The following EXOC2 variants were observed in gnomAD, a reference collection of about 807,000 sequenced individuals.
EXOC2 encodes SEC5-like 1.
A neutral mutation model predicts 131.8 loss-of-function variants in EXOC2; 70 were observed. The observed-to-expected ratio is 0.53, with a 90% CI of 0.44 to 0.65. The LOEUF is 0.65. Among genes scored for constraint, EXOC2 ranks in the 30% least tolerant of loss-of-function variants. The pLI, the probability that EXOC2 is intolerant of heterozygous loss-of-function variation, is 0.00. For missense variants in EXOC2, 923 were observed against 1,108.6 expected (o/e 0.83, Z 2.38); for synonymous variants, 411 against 398.4 (o/e 1.03, Z -0.38).
chr6:687,836 A>G (rs1181279459), intron 1 of EXOC2, among the ~76,000 whole-genome samples: 1 of 152,242 alleles, frequency 6.6e-6, no homozygotes, highest in Non-Finnish European at 1.5e-5. Context: ...ATGTGGCAGG[A>G]AAGTGAAAAA....
intron 7 of EXOC2, among the ~76,000 whole-genome samples, chr6:600,560 G>C (rs1444114844): frequency 1.3e-5 from 2 of 152,140 alleles, no homozygotes; most frequent in African/African-American, 4.8e-5. Context: ...AAATCACCAA[G>C]CACTGTTGTT....
intron 1 of EXOC2, chr6:656,440 C>T: frequency 6.2e-7 from 1 of 1,613,732 alleles, no homozygotes; most frequent in African/African-American, 1.3e-5. Flanking sequence ...ATCCTCTCCA[C>T]GATGCTCCTC....
chr6:487,955 G>A (rs1301012300), intron 27 of EXOC2, among the ~76,000 whole-genome samples: 2 of 152,164 alleles, frequency 1.3e-5, no homozygotes, highest in African/African-American at 4.8e-5. Flanking sequence ...AGCAGTGACT[G>A]TTTCAATCTT....
intron 22 of EXOC2, among the ~76,000 whole-genome samples, chr6:542,763 A>T (rs1271341361): frequency 6.6e-6 from 1 of 152,220 alleles, no homozygotes; most frequent in African/African-American, 2.4e-5. Flanking sequence ...TGAGTGAATG[A>T]ACAGAGAAAG....
At chr6:643,570 A>G (rs1327492190) in intron 1 of EXOC2, among the ~76,000 whole-genome samples, 1 of 151,416 alleles carries the variant, frequency 6.6e-6, no homozygotes, top group Non-Finnish European at 1.5e-5. Flanking sequence ...AATCTTAGAG[A>G]AAAAATATTT....
chr6:518,955 G>A (rs1237613692), intron 23 of EXOC2, among the ~76,000 whole-genome samples: 1 of 152,198 alleles, frequency 6.6e-6, no homozygotes, highest in African/African-American at 2.4e-5. Context: ...CCTCTTCAGA[G>A]ATGAAGTCCA....
intron 11 of EXOC2, among the ~76,000 whole-genome samples, chr6:582,985 T>A (rs1001324017): frequency 2.0e-5 from 3 of 152,158 alleles, no homozygotes; most frequent in Non-Finnish European, 4.4e-5. Flanking sequence ...ACTACAGGTA[T>A]AAACTTTGAA....
At chr6:615,676 C>T (rs1402139560) in intron 6 of EXOC2, among the ~76,000 whole-genome samples, 1 of 148,344 alleles carries the variant, frequency 6.7e-6, no homozygotes, top group Non-Finnish European at 1.5e-5. Context: ...GCTGAAATCG[C>T]ACCACCGCAC....
chr6:552,761 T>C (rs1408645430), intron 21 of EXOC2, among the ~76,000 whole-genome samples: 1 of 152,168 alleles, frequency 6.6e-6, no homozygotes, highest in Non-Finnish European at 1.5e-5. Context: ...GACCAAACTA[T>C]ATTTTTTCTA....
At chr6:650,121 A>G (rs1283319402) in intron 1 of EXOC2, among the ~76,000 whole-genome samples, 1 of 152,236 alleles carries the variant, frequency 6.6e-6, no homozygotes, top group Non-Finnish European at 1.5e-5. Context: ...TTTTATCTTT[A>G]TAGATTAAGT....
chr6:661,120 T>C (rs868742579), intron 1 of EXOC2, among the ~76,000 whole-genome samples: 1 of 152,114 alleles, frequency 6.6e-6, no homozygotes, highest in Non-Finnish European at 1.5e-5. Context: ...TAAGAAAATA[T>C]GAACAAAGCC....
At chr6:598,708 T>C (rs1486758347) in intron 9 of EXOC2, 152 bp downstream of exon 9, 1 of 556,260 alleles carries the variant, frequency 1.8e-6, no homozygotes, top group African/African-American at 2.0e-5. Context: ...AGAAAAGTCA[T>C]ACTGTTATTT....
rs201927192 is a variant in EXOC2 at position 656,281 on chromosome 6, C to G, written c.-43-18420G>C. On this transcript the variant is annotated intron_variant, in intron 1 of 27. Coordinates refer to ENST00000230449, the MANE Select transcript of EXOC2 (RefSeq NM_018303.6). ...CGCACTTGCACCATGCTCTCCAGGT[C>G]TCTGTTTTCAGGCACACCCACAGCC... 2.4e-4 allele frequency: 383 copies of G among 1,614,190 alleles called. 1 individual carries two copies. In the Middle Eastern group the frequency reaches 4.5e-3, roughly 19 times the overall value.
intron 4 of EXOC2, among the ~76,000 whole-genome samples, chr6:625,750 C>A (rs898360930): frequency 6.6e-6 from 1 of 151,960 alleles, no homozygotes; most frequent in Non-Finnish European, 1.5e-5. Context: ...CAGGCCGATT[C>A]GAAGAAAATC....
At chr6:638,164 T>C (rs1265635285) in intron 1 of EXOC2, among the ~76,000 whole-genome samples, 1 of 152,210 alleles carries the variant, frequency 6.6e-6, no homozygotes, top group African/African-American at 2.4e-5. Flanking sequence ...TGACTACCTC[T>C]GCTGAACCCT....
chr6:540,415 C>T (rs563662577), intron 22 of EXOC2, among the ~76,000 whole-genome samples: 1 of 152,360 alleles, frequency 6.6e-6, no homozygotes, highest in African/African-American at 2.4e-5. Flanking sequence ...ACTGCTACCA[C>T]TATCTCCTTC....
At chr6:613,016 C>G (rs141641620) in intron 6 of EXOC2, among the ~76,000 whole-genome samples, 49 of 152,226 alleles carry the variant, frequency 3.2e-4, no homozygotes, top group Non-Finnish European at 5.6e-4. Context: ...CTCAGGAAGG[C>G]CTTTCACACT....
intron 10 of EXOC2, among the ~76,000 whole-genome samples, chr6:592,863 T>TA (rs1002001699): frequency 2.7e-4 from 40 of 150,602 alleles, no homozygotes; most frequent in African/African-American, 7.3e-4. Flanking sequence ...CCGTCGCTAC[T>TA]AAAAAAAAAT....
rs551491811 is a variant in EXOC2 at position 507,137 on chromosome 6, TAC to T, written c.2381-7439_2381-7438del. On this transcript the variant is annotated intron_variant, in intron 23 of 27. Transcript: ENST00000230449. ...GTGACTACACACATACACACACACATACACACACACACACAAGAAGTGACCCC... is the reference window on the plus strand; with the variant it reads ...GTGACTACACACATACACACACACATACACACACACACAAGAAGTGACCCC... 2.4e-3 allele frequency among the ~76,000 whole-genome samples: 107 copies of T among 45,004 alleles called. 1 individual carries two copies. The highest frequency in any genetic ancestry group is 5.3e-3 in the African/African-American group (97 of 18,230). The allele number at this position is 45,004 out of a possible 152,430, so 29.5% of individuals were successfully genotyped here. A position where few individuals can be genotyped will look rare whatever the true frequency, so the allele number is the denominator to read the frequency against.
Sources: allele counts gnomAD v4.1 joint callset (sites outside exome capture counted in the v4.1 genomes callset), GRCh38; gene constraint gnomAD v4.1.1; transcripts MANE v1.5; gene names NCBI Gene and HGNC (gene_info 2026-07-23, HGNC 2026-07-21).